The following ZNF611 variants were observed in gnomAD, a reference collection of about 807,000 sequenced individuals.
The protein encoded by ZNF611 is zinc finger protein 611.
In ZNF611, 6 loss-of-function variants were observed where a neutral mutation model predicts 8.9. The ratio of observed to expected loss-of-function variants is 0.68; its 90% CI spans 0.37 to 1.34. The LOEUF is 1.34. Ranked by LOEUF, ZNF611 falls within the 40% of genes most tolerant of loss-of-function variation. ZNF611 has a pLI of 0.02. For missense variants in ZNF611, 874 were observed against 841.3 expected, an observed-to-expected ratio of 1.04 and a Z score of -0.48; for synonymous variants, 262 against 279.7, an observed-to-expected ratio of 0.94 and a Z score of 0.63.
At chr19:52,726,140 C>CTACCCTGTGCT (rs1178919491) in intron 3 of ZNF611, among the ~76,000 whole-genome samples, 2 of 152,216 alleles carry the variant, frequency 1.3e-5, no homozygotes, top group African/African-American at 4.8e-5. Flanking sequence ...GAGGGAGAGT[C>CTACCCTGTGCT]CACCCTGTGC....
chr19:52,712,808 A>G (rs1043734451), intron 5 of ZNF611, among the ~76,000 whole-genome samples: 2 of 152,176 alleles, frequency 1.3e-5, no homozygotes, highest in African/African-American at 4.8e-5. Context: ...TATAGTAAAG[A>G]GAAGAAACCA....
intron 3 of ZNF611, among the ~76,000 whole-genome samples, chr19:52,719,563 G>A (rs1005504373): frequency 8.5e-5 from 13 of 152,140 alleles, no homozygotes; most frequent in African/African-American, 2.4e-4. Context: ...AACAGAGAAA[G>A]CAACATGTCA....
In ZNF611 at chr19:52,705,924, T is replaced by G. The variant is rs2062239341; in HGVS notation, c.1131A>C (p.Lys377Asn). ...EKPYKCEECDKVFSRKSTIET... is the reference protein window; with the variant it reads ...EKPYKCEECDNVFSRKSTIET... ...CAATGGTTGATTTCCGACTGAAAAC[T>G]TTGTCACATTCTTCACATTTGTAAG... Residue 377 changes from lysine to asparagine, a missense_variant, in exon 6 of 6, where the codon AAA (lysine) becomes AAC (asparagine). Transcript: ENST00000652185. The G allele has an allele frequency of 6.2e-7, 1 of 1,613,990 alleles. No individual in the cohort carries two copies. Among genetic ancestry groups the G allele is most frequent in the South Asian group, 1.1e-5 (1 of 91,082 alleles).
rs113083599 is a variant in ZNF611 at position 52,726,601 on chromosome 19, G to A, written c.-20+2129C>T. On this transcript the variant is annotated intron_variant, in intron 3 of 5. Transcript: ENST00000652185. The stretch of plus-strand genomic sequence containing the variant: ...GCCCGGCTACTTTTTTGTATTTTTA[G>A]TAGAGAAGGGGTTTCACTGTGTTAG... Among the ~76,000 whole-genome samples the A allele has an allele frequency of 6.9e-3, 1,048 of 151,906 alleles. 14 individuals carry two copies. Among genetic ancestry groups the A allele is most frequent in the African/African-American group, 0.024 (974 of 41,416 alleles).
intron 2 of ZNF611, among the ~76,000 whole-genome samples, chr19:52,729,423 G>GGAAA (rs994540209): frequency 6.9e-6 from 1 of 145,720 alleles, no homozygotes; most frequent in Non-Finnish European, 1.5e-5. Flanking sequence ...AACCTGGGAG[G>GGAAA]GAAAGGTTGC....
chr19:52,708,510 A>C (rs115004643), intron 5 of ZNF611: 2,806 of 151,860 alleles, frequency 0.018, 88 homozygotes, highest in African/African-American at 0.064. Flanking sequence ...AAATGAAATA[A>C]AATAAAGAAA....
chr19:52,731,748 A>G (rs2062426854), intron 1 of ZNF611, among the ~76,000 whole-genome samples: 1 of 151,894 alleles, frequency 6.6e-6, no homozygotes, highest in Non-Finnish European at 1.5e-5. Flanking sequence ...AGGCAGGTGG[A>G]TCACCTCAGG....
At chr19:52,726,723 T>A (rs1323135121) in intron 3 of ZNF611, among the ~76,000 whole-genome samples, 2 of 59,034 alleles carry the variant, frequency 3.4e-5, no homozygotes, top group South Asian at 9.4e-4. Context: ...CGGCCTTGTG[T>A]TTTTTTTTTT....
At chr19:52,726,990 G>C (rs1034371326) in intron 3 of ZNF611, among the ~76,000 whole-genome samples, 6 of 151,942 alleles carry the variant, frequency 3.9e-5, no homozygotes, top group African/African-American at 9.7e-5. Context: ...CTCAGCCTTT[G>C]GAGTAGCTGG....
In ZNF611 at chr19:52,706,862, T is replaced by A; in HGVS notation, c.193A>T (p.Ile65Phe). The change falls in exon 6 of 6, where the codon ATC becomes TTC. Residue 65 changes from isoleucine (I) to phenylalanine (F), a missense_variant and splice_region_variant. By Grantham distance (21) the Ile-to-Phe change is conservative. Coordinates refer to ENST00000652185, the MANE Select transcript of ZNF611 (RefSeq NM_001161499.2). The stretch of plus-strand genomic sequence containing the variant: ...TCCTTCATCATGCATTTGGAAGAGA[T>A]ATCTACAAAATATAAACACCAATAC... ...ENYRNLEAVDISSKCMMKEVL... is the reference protein window; with the variant it reads ...ENYRNLEAVDFSSKCMMKEVL... 1.9e-6 allele frequency: 3 copies of A among 1,608,170 alleles called. No homozygotes were observed. Among genetic ancestry groups the A allele is most frequent in the Non-Finnish European group, 2.5e-6 (3 of 1,177,888 alleles).
chr19:52,716,442 C>A lies in ZNF611; in HGVS notation c.-19-529G>T, dbSNP rs563340039. Among the ~76,000 whole-genome samples the A allele has an allele frequency of 3.3e-5, 5 of 152,304 alleles. No individual in the cohort carries two copies. In the South Asian group the frequency reaches 8.3e-4, roughly 25 times the overall value. ...TCTAACGTGAAGCCAGGGTTGAGCT[C>A]CACTCAGAGGGGGCGAGCCCAGCAC... On this transcript the variant is annotated intron_variant, in intron 3 of 5. Coordinates refer to ENST00000652185, the MANE Select transcript of ZNF611 (RefSeq NM_001161499.2).
Position 52,705,659 on chromosome 19 carries a change from T to G in ZNF611, c.1396A>C (p.Ser466Arg). 1 of 1,613,018 alleles carries G rather than the reference T, an allele frequency of 6.2e-7. No individual in the cohort carries two copies. The highest frequency in any genetic ancestry group is 8.5e-7 in the Non-Finnish European group (1 of 1,179,662). The change falls in exon 6 of 6, where the codon AGT (serine) becomes CGT (arginine). Residue 466 changes from serine (S) to arginine (R), a missense_variant. By Grantham distance (110) the Ser-to-Arg change is moderately radical. Coordinates refer to ENST00000652185, the MANE Select transcript of ZNF611 (RefSeq NM_001161499.2). ...CKVCDKAFVW[S>R]SQLAKHTRID... ...CTAGTATGTTTTGCCAGTTGTGAAC[T>G]CCACACAAAAGCCTTGTCACAAACC... is the stretch of plus-strand genomic sequence containing the variant.
intron 3 of ZNF611, chr19:52,723,929 A>C (rs985480405): frequency 2.0e-5 from 3 of 152,274 alleles, no homozygotes; most frequent in African/African-American, 7.2e-5. Context: ...TCAGTGCAGT[A>C]AACAGCAGTA....
intron 5 of ZNF611, among the ~76,000 whole-genome samples, chr19:52,712,456 TAAAAAAAAAAAAAAAAAAAA>T (rs55649603): frequency 2.7e-5 from 1 of 37,436 alleles, no homozygotes; most frequent in African/African-American, 1.1e-4. Flanking sequence ...CTGTCTCTAC[TAAAAAAAAAAAAAAAAAAAA>T]AAAAAAAAAA....
At chr19:52,718,944 G>A (rs991697744) in intron 3 of ZNF611, among the ~76,000 whole-genome samples, 38 of 152,290 alleles carry the variant, frequency 2.5e-4, no homozygotes, top group South Asian at 2.1e-4. Flanking sequence ...AGGCCAAGGC[G>A]GGTGGATCAC....
chr19:52,703,599 T>G lies in ZNF611; in HGVS notation c.*1338A>C, dbSNP rs562581692. On this transcript the variant is annotated 3_prime_UTR_variant, in exon 6 of 6. Transcript: ENST00000652185. ...CGAGGCTTTGATATCCTTTTTTTTT[T>G]TTTTTTTTTTGAGATAGACTCTCAC... 1.4e-5 allele frequency: 2 copies of G among 146,458 alleles called. No individual in the cohort carries two copies. Among genetic ancestry groups the G allele is most frequent in the East Asian group, 3.9e-4 (2 of 5,112 alleles). 9.1% of individuals were successfully genotyped at this position (146,458 alleles called of 1,614,324 possible). A position where few individuals can be genotyped will look rare whatever the true frequency, so the allele number is the denominator to read the frequency against.
At position 52,704,592 on chromosome 19, in the gene ZNF611, T is replaced by C. The variant is rs1423755233; in HGVS notation, c.*345A>G. On this transcript the variant is annotated 3_prime_UTR_variant, in exon 6 of 6. Transcript: ENST00000652185. ...AACGATCTCTGAAAAATTTGCCACA[T>C]TTATTACACTTGTAAGATCTCTCTT... 9 of 1,568,956 alleles carry C rather than the reference T, an allele frequency of 5.7e-6. No homozygotes were observed. The highest frequency in any genetic ancestry group is 7.9e-6 in the Non-Finnish European group (9 of 1,142,310).
At chr19:52,727,886 ACTAT>A (rs2062402058) in intron 3 of ZNF611, among the ~76,000 whole-genome samples, 1 of 148,738 alleles carries the variant, frequency 6.7e-6, no homozygotes, top group African/African-American at 2.5e-5. Flanking sequence ...AGACACAGGT[ACTAT>A]CTATCTTGTT....
In ZNF611 at chr19:52,713,970, T is replaced by C. The variant is rs201039152; in HGVS notation, c.190+45A>G. 5.3e-4 allele frequency: 858 copies of C among 1,608,668 alleles called. 3 individuals carry two copies. The highest frequency in any genetic ancestry group is 6.6e-4 in the Non-Finnish European group (777 of 1,178,102). On this transcript the variant is annotated intron_variant, in intron 5 of 5. Transcript: ENST00000652185. ...GATACAAAGCCAGGATGAGCCAAGATAGACAAGAGCAGACTCCTCATGTCT... is the reference window on the plus strand; with the variant it reads ...GATACAAAGCCAGGATGAGCCAAGACAGACAAGAGCAGACTCCTCATGTCT...
Sources: allele counts gnomAD v4.1 joint callset (sites outside exome capture counted in the v4.1 genomes callset), GRCh38; gene constraint gnomAD v4.1.1; transcripts MANE v1.5; gene names NCBI Gene and HGNC (gene_info 2026-07-23, HGNC 2026-07-21).